AHRR: variants seen among roughly 807,000 people sequenced by gnomAD.
AHRR encodes aryl hydrocarbon receptor repressor.
Under a neutral mutation model 44.0 loss-of-function variants are expected in AHRR, and 28 were observed. That is an observed-to-expected ratio of 0.64 (90% CI 0.47 to 0.87). The LOEUF (loss-of-function observed/expected upper bound fraction) is 0.87, where lower values mean the gene tolerates loss of function less well. AHRR is among the 40% of genes least tolerant of loss of function. The probability of loss-of-function intolerance (pLI) is 0.00; values close to 1 mark genes in which losing one functional copy is unlikely to be tolerated. For synonymous variants in AHRR, 434 were observed against 407.0 expected (o/e 1.07, Z -0.80); for missense variants, 990 against 953.9 (o/e 1.04, Z -0.50).
Position 432,789 on chromosome 5 carries a change from C to A in AHRR, c.971-17C>A, listed in dbSNP as rs572176556. The A allele has an allele frequency of 4.6e-5, 74 of 1,613,758 alleles. 1 individual carries two copies. Among genetic ancestry groups the A allele is most frequent in the African/African-American group, 2.4e-4 (18 of 74,930 alleles). ...GCTCGCACCGTGACGGCTTCCCCCC[C>A]CTCTAAACCCCAACAGGAAGGAGCA... On this transcript the variant is annotated splice_polypyrimidine_tract_variant and intron_variant, in intron 9 of 10. Transcript: ENST00000684583.
intron 3 of AHRR, 33 bp from the exon 4 acceptor site, chr5:376,577 G>C: frequency 6.4e-7 from 1 of 1,552,780 alleles, no homozygotes; most frequent in Non-Finnish European, 8.7e-7. Flanking sequence ...CCAAGGGTTG[G>C]GGGTGCCTAA....
intron 3 of AHRR, chr5:367,830 T>G (rs1222054005): frequency 1.6e-5 from 11 of 702,450 alleles, no homozygotes; most frequent in Admixed American, 1.0e-4. Context: ...CAGTGGCAGA[T>G]GCCGAAGATG....
chr5:422,391 C>T, intron 5 of AHRR: 1 of 365,768 alleles, frequency 2.7e-6, no homozygotes, highest in Non-Finnish European at 5.2e-6. Flanking sequence ...AACCGAGTCA[C>T]AAAGAGTCCA....
intron 1 of AHRR, among the ~76,000 whole-genome samples, chr5:324,827 G>C: frequency 6.6e-6 from 1 of 152,090 alleles, no homozygotes. Flanking sequence ...CCCAAAACTG[G>C]TTATTCAGGG....
chr5:419,185 G>A lies in AHRR; in HGVS notation c.442-3544G>A, dbSNP rs1272776870. Reference sequence around the variant, plus strand: ...GGAATGGGATTTTTTTTTTTTTTTTGAGACAGTCTTGCTCTGTTGTCCAGG... The same window carrying A: ...GGAATGGGATTTTTTTTTTTTTTTTAAGACAGTCTTGCTCTGTTGTCCAGG... On this transcript the variant is annotated intron_variant, in intron 5 of 10. Transcript: ENST00000684583. This position sits in a 1 kb window ranked among gnomAD's most constrained non-coding sequence, Gnocchi z 4.4. 3.2e-5 allele frequency: 4 copies of A among 125,864 alleles called. No individual in the cohort carries two copies. The highest frequency in any genetic ancestry group is 6.7e-5 in the Non-Finnish European group (4 of 59,440). 7.8% of individuals were successfully genotyped at this position (125,864 alleles called of 1,614,324 possible).
intron 5 of AHRR, among the ~76,000 whole-genome samples, chr5:415,494 C>G (rs1199373290): frequency 9.1e-4 from 99 of 108,314 alleles, no homozygotes; most frequent in Middle Eastern, 7.4e-3. Context: ...GCCTAGGGGC[C>G]GAGTCTCCCT....
chr5:356,452 T>G (rs1001118893), intron 3 of AHRR, among the ~76,000 whole-genome samples: 3 of 151,328 alleles, frequency 2.0e-5, no homozygotes, highest in Non-Finnish European at 4.4e-5. Context: ...ACCCCTGCAG[T>G]CAGCGACTGA....
chr5:391,465 C>T (rs1225742134), intron 4 of AHRR, among the ~76,000 whole-genome samples: 3 of 101,362 alleles, frequency 3.0e-5, no homozygotes, highest in African/African-American at 6.7e-5. Context: ...AGGGCCAGAG[C>T]GTGCACGGGG....
rs983815301 is a variant in AHRR, at chr5:405,692, G to A, written c.352-7652G>A. On this transcript the variant is annotated intron_variant, in intron 4 of 10. Transcript: ENST00000684583. This position sits in a 1 kb window ranked among gnomAD's most constrained non-coding sequence, Gnocchi z 4.5. ...CCTGACCCAGCAGCCTTGTCCCACCGCCTGCGACCACCAGCTCCTCCGCTC... is the reference window on the plus strand; with the variant it reads ...CCTGACCCAGCAGCCTTGTCCCACCACCTGCGACCACCAGCTCCTCCGCTC... Among the ~76,000 whole-genome samples, 2 of 152,276 alleles carry A rather than the reference G, an allele frequency of 1.3e-5. No homozygotes were observed. Among genetic ancestry groups the A allele is most frequent in the Admixed American group, 6.5e-5 (1 of 15,288 alleles).
At chr5:380,135 G>C (rs1270052070) in intron 4 of AHRR, among the ~76,000 whole-genome samples, 3 of 152,104 alleles carry the variant, frequency 2.0e-5, no homozygotes, top group African/African-American at 7.2e-5. Context: ...AAAATCAATT[G>C]GCTGTATTTT....
intron 4 of AHRR, among the ~76,000 whole-genome samples, chr5:378,389 T>C (rs1407487437): frequency 6.6e-6 from 1 of 152,250 alleles, no homozygotes; most frequent in Non-Finnish European, 1.5e-5. Context: ...AGGTGCCCTT[T>C]GGGGCTGAGC....
rs148481343 is a variant in AHRR at position 366,645 on chromosome 5, A to T, written c.245-9965A>T. The stretch of plus-strand genomic sequence containing the variant: ...GTAGTCTTGAACAAAATATCTATTA[A>T]TTATGAAGCCGAAAAGCCCAGCATT... On this transcript the variant is annotated intron_variant, in intron 3 of 10. Transcript: ENST00000684583. Among the ~76,000 whole-genome samples, 255 of 152,296 alleles carry T rather than the reference A, an allele frequency of 1.7e-3. 1 individual carries two copies. Among genetic ancestry groups the T allele is most frequent in the African/African-American group, 5.8e-3 (241 of 41,562 alleles).
chr5:394,594 C>G (rs963819461), intron 4 of AHRR, among the ~76,000 whole-genome samples: 7 of 140,438 alleles, frequency 5.0e-5, no homozygotes, highest in African/African-American at 1.9e-4. Flanking sequence ...TTGTCTCTCC[C>G]CTTTCCTCCC....
At chr5:376,903 G>A (rs868141664) in intron 4 of AHRR, among the ~76,000 whole-genome samples, 187 bp downstream of exon 4, 22 of 152,146 alleles carry the variant, frequency 1.4e-4, no homozygotes, top group African/African-American at 4.8e-4. Context: ...TCCCTGGGTC[G>A]GGGTCAGCCT....
intron 4 of AHRR, among the ~76,000 whole-genome samples, chr5:391,323 A>ACGGGGGCAGGGCGAGG (rs1734412060): frequency 6.0e-5 from 8 of 132,358 alleles, no homozygotes; most frequent in African/African-American, 8.7e-5. Flanking sequence ...CAGAGCGTGC[A>ACGGGGGCAGGGCGAGG]CGGGCGCAGG....
At chr5:335,387 G>T (rs1742083970) in intron 1 of AHRR, among the ~76,000 whole-genome samples, 1 of 151,954 alleles carries the variant, frequency 6.6e-6, no homozygotes, top group South Asian at 2.1e-4. Context: ...GCACTTGCAG[G>T]TAGGTGCCAG....
In AHRR at chr5:388,698, A is replaced by C. The variant is rs1195641983; in HGVS notation, c.351+11982A>C. On this transcript the variant is annotated intron_variant, in intron 4 of 10. Coordinates refer to ENST00000684583, the MANE Select transcript of AHRR (RefSeq NM_001377236.1). The surrounding 1 kb of genome is among the most constrained non-coding windows in gnomAD (Gnocchi z 5.2). ...TCAGAGCCAGGGGCACCGTCCTCCC[A>C]TTGGCCAGGACGAGGACTAAGCTGT... 6.6e-6 allele frequency among the ~76,000 whole-genome samples: 1 copy of C among 151,852 alleles called. No homozygotes were observed. The highest frequency in any genetic ancestry group is 2.4e-5 in the African/African-American group (1 of 41,320).
rs552385652 is a variant in AHRR, at chr5:410,510, C to T, written c.352-2834C>T. Among the ~76,000 whole-genome samples the T allele has an allele frequency of 9.2e-5, 14 of 151,998 alleles. No individual in the cohort carries two copies. The East Asian group carries it at 2.7e-3, about 29-fold the overall frequency. ...TACAAGCATAAGCCACCATGCCCAG[C>T]CATAAAAATTTTAGAATCAGCTTGT... On this transcript the variant is annotated intron_variant, in intron 4 of 10. Transcript: ENST00000684583.
rs886407540 is a variant in AHRR at position 419,656 on chromosome 5, C to T, written c.442-3073C>T. 1.3e-5 allele frequency among the ~76,000 whole-genome samples: 2 copies of T among 152,058 alleles called. No homozygotes were observed. The highest frequency in any genetic ancestry group is 2.9e-5 in the Non-Finnish European group (2 of 68,016). ...ATATTTCCCATTGTCCTGGCAAAGC[C>T]GGGGCCCTCCATGGTGCCCGGCTCT... On this transcript the variant is annotated intron_variant, in intron 5 of 10. Transcript: ENST00000684583. The surrounding 1 kb of genome is among the most constrained non-coding windows in gnomAD (Gnocchi z 4.4).
Sources: allele counts gnomAD v4.1 joint callset (sites outside exome capture counted in the v4.1 genomes callset), GRCh38; gene constraint gnomAD v4.1.1; non-coding constraint Gnocchi (gnomAD v3.1); transcripts MANE v1.5; gene names NCBI Gene and HGNC (gene_info 2026-07-23, HGNC 2026-07-21).